SEM1: variants seen among roughly 807,000 people sequenced by gnomAD.
SEM1 encodes SEM1 26S proteasome subunit.
A neutral mutation model predicts 12.7 loss-of-function variants in SEM1; 3 were observed. That is an observed-to-expected ratio of 0.24 (90% CI 0.11 to 0.61). The LOEUF (loss-of-function observed/expected upper bound fraction) is 0.61. Ranked by LOEUF, SEM1 falls within the 20% of genes least tolerant of loss-of-function variation. SEM1 has a pLI of 0.88. For synonymous variants in SEM1, 30 were observed against 27.8 expected (o/e 1.08, Z -0.25); for missense variants, 59 against 81.3 (o/e 0.73, Z 1.06).
intron 1 of SEM1, among the ~76,000 whole-genome samples, chr7:96,704,802 A>C (rs1213551189): frequency 6.6e-6 from 1 of 152,218 alleles, no homozygotes; most frequent in Non-Finnish European, 1.5e-5. Context: ...TACTGGTCAC[A>C]TCTATCTTCT....
chr7:96,525,016 G>A (rs79502228), intron 2 of SEM1, among the ~76,000 whole-genome samples: 1 of 152,010 alleles, frequency 6.6e-6, no homozygotes, highest in Non-Finnish European at 1.5e-5. Context: ...GCCACAGACT[G>A]CTGGTGGCTG....
At position 96,615,239 on chromosome 7, in the gene SEM1, A is replaced by ATTTTTTTTTTTTT. The variant is rs1421596853; in HGVS notation, c.170+79558_170+79559insAAAAAAAAAAAAA. On this transcript the variant is annotated intron_variant and NMD_transcript_variant, in intron 2 of 3. Transcript: ENST00000466986. ...GGACTGTTGGGTTATTTTTTGAGTC[A>ATTTTTTTTTTTTT]TCTTTTTTTTTTTTTTTTTTTTTTT... Among the ~76,000 whole-genome samples, 40 of 98,126 alleles carry ATTTTTTTTTTTTT rather than the reference A, an allele frequency of 4.1e-4. 4 individuals carry two copies. The highest frequency in any genetic ancestry group is 7.4e-4 in the East Asian group (2 of 2,716). 64.4% of individuals were successfully genotyped at this position (98,126 alleles called of 152,430 possible).
At chr7:96,616,369 G>A (rs1807722355) in intron 2 of SEM1, among the ~76,000 whole-genome samples, 1 of 151,692 alleles carries the variant, frequency 6.6e-6, no homozygotes, top group African/African-American at 2.4e-5. Context: ...TATTTCCTCT[G>A]CCCACTTTAC....
chr7:96,522,879 G>A (rs1434585031), intron 2 of SEM1, among the ~76,000 whole-genome samples: 1 of 93,194 alleles, frequency 1.1e-5, no homozygotes, highest in Non-Finnish European at 2.0e-5. Context: ...CAACAAGAGT[G>A]AAACTCCATC....
intron 2 of SEM1, among the ~76,000 whole-genome samples, chr7:96,530,560 T>C (rs1198834855): frequency 1.3e-5 from 2 of 152,200 alleles, no homozygotes; most frequent in Middle Eastern, 3.4e-3. Flanking sequence ...CTGGAAGTCA[T>C]AGTAAACGTC....
intron 2 of SEM1, among the ~76,000 whole-genome samples, chr7:96,587,486 C>T (rs1219322868): frequency 2.6e-5 from 4 of 152,138 alleles, no homozygotes; most frequent in South Asian, 2.1e-4. Context: ...CTTTCTCCCC[C>T]ATGTTGGGAA....
intron 1 of SEM1, among the ~76,000 whole-genome samples, chr7:96,490,754 T>C (rs1008251245): frequency 2.6e-5 from 4 of 152,036 alleles, no homozygotes; most frequent in African/African-American, 9.7e-5. Context: ...CAGTTGGAAA[T>C]CAGAGCGAGA....
At position 96,709,800 on chromosome 7, in the gene SEM1, G is replaced by C. The variant is rs779124188; in HGVS notation, c.-37C>G. ...GCGCCCAACACCTCCCAGATAAGCAGAAAAGTTGGAACCCTCACTCTTCCT... is the reference window on the plus strand; with the variant it reads ...GCGCCCAACACCTCCCAGATAAGCACAAAAGTTGGAACCCTCACTCTTCCT... On this transcript the variant is annotated 5_prime_UTR_variant, in exon 1 of 3. Transcript: ENST00000248566. 2.0e-5 allele frequency: 32 copies of C among 1,602,782 alleles called. No individual in the cohort carries two copies. The highest frequency in any genetic ancestry group is 2.7e-5 in the Non-Finnish European group (32 of 1,170,470).
exon 2 of SEM1, chr7:96,486,216 C>G (rs1802752371): frequency 6.5e-7 from 1 of 1,535,764 alleles, no homozygotes; most frequent in African/African-American, 1.4e-5. Flanking sequence ...CAGACCCAGG[C>G]TAACTCTGTT....
chr7:96,617,551 CT>C (rs1807757965), intron 2 of SEM1, among the ~76,000 whole-genome samples: 1 of 152,094 alleles, frequency 6.6e-6, no homozygotes, highest in Admixed American at 6.6e-5. Flanking sequence ...CCTGATTGCT[CT>C]GGTGAGGACT....
chr7:96,594,553 T>A (rs1160544627), intron 2 of SEM1, among the ~76,000 whole-genome samples: 1 of 152,204 alleles, frequency 6.6e-6, no homozygotes, highest in Non-Finnish European at 1.5e-5. Context: ...AAGCAGATTG[T>A]TTTTTATAAC....
At chr7:96,546,452 C>A (rs906236319) in intron 2 of SEM1, among the ~76,000 whole-genome samples, 1 of 151,978 alleles carries the variant, frequency 6.6e-6, no homozygotes, top group Non-Finnish European at 1.5e-5. Flanking sequence ...TTATATAATC[C>A]TCCACATCTT....
downstream of SEM1, chr7:96,672,804 C>T (rs1424017465): frequency 6.6e-6 from 1 of 152,186 alleles, no homozygotes; most frequent in Non-Finnish European, 1.5e-5. Context: ...TCACCAGGGT[C>T]CTTCCTGGCC....
chr7:96,643,088 ACTCT>A (rs1563094814), intron 2 of SEM1, among the ~76,000 whole-genome samples: 1 of 151,212 alleles, frequency 6.6e-6, no homozygotes, highest in Non-Finnish European at 1.5e-5. Context: ...TTTTCCTGAT[ACTCT>A]CTCTCCTCCC....
chr7:96,653,830 CTTT>C (rs531654010), intron 2 of SEM1: 121 of 152,304 alleles, frequency 7.9e-4, no homozygotes, highest in African/African-American at 2.7e-3. Context: ...ACAGTCCTCT[CTTT>C]TTCTTCTGAA....
At chr7:96,484,672 A>G (rs1426018854) in intron 3 of SEM1, among the ~76,000 whole-genome samples, 1 of 152,204 alleles carries the variant, frequency 6.6e-6, no homozygotes, top group Non-Finnish European at 1.5e-5. Context: ...GGAATTGACA[A>G]GAAGTTATTC....
chr7:96,601,478 C>G (rs1807199016), intron 2 of SEM1, among the ~76,000 whole-genome samples: 1 of 151,966 alleles, frequency 6.6e-6, no homozygotes, highest in African/African-American at 2.4e-5. Flanking sequence ...GAGGATGTTC[C>G]AGGCTGAGGG....
At chr7:96,673,689 C>T (rs1478753038) in exon 3 of SEM1, 2 of 748,214 alleles carry the variant, frequency 2.7e-6, no homozygotes, top group South Asian at 1.4e-5. Context: ...TCAATAATAG[C>T]TCTCCAATCC....
At chr7:96,525,573 C>T (rs1804431302) in intron 2 of SEM1, among the ~76,000 whole-genome samples, 1 of 152,050 alleles carries the variant, frequency 6.6e-6, no homozygotes, top group African/African-American at 2.4e-5. Flanking sequence ...ATACTGATGG[C>T]CTCTTCTCAC....
Sources: gnomAD v4.1 joint callset for allele counts (sites outside exome capture counted in the v4.1 genomes callset) on GRCh38, gnomAD v4.1.1 for gene constraint, MANE v1.5 for transcripts, NCBI Gene and HGNC (gene_info 2026-07-23, HGNC 2026-07-21) for gene names.